Variants in MAST4 observed in about 807,000 individuals in gnomAD.
The protein encoded by MAST4 is microtubule-associated serine/threonine-protein kinase 4.
Under a neutral mutation model 162.7 loss-of-function variants are expected in MAST4, and 89 were observed. The ratio of observed to expected loss-of-function variants is 0.55; its 90% CI spans 0.46 to 0.65. MAST4 has a LOEUF of 0.65. MAST4 is among the 30% of genes least tolerant of loss of function. The pLI, the probability that MAST4 is intolerant of heterozygous loss-of-function variation, is 0.00. For synonymous variants in MAST4, 1,479 were observed against 1,361.1 expected, an observed-to-expected ratio of 1.09 and a Z score of -1.91; for missense variants, 3,153 against 3,374.0, an observed-to-expected ratio of 0.93 and a Z score of 1.62.
intron 1 of MAST4, among the ~76,000 whole-genome samples, chr5:66,688,360 G>T (rs575180679): frequency 8.5e-5 from 13 of 152,298 alleles, no homozygotes; most frequent in Middle Eastern, 3.4e-3. Context: ...AGTGCTGTCT[G>T]CATCTGATTC....
Position 67,019,162 on chromosome 5 carries a change from C to A in MAST4, c.675-35242C>A, listed in dbSNP as rs529117682. On this transcript the variant is annotated intron_variant, in intron 4 of 28. Transcript: ENST00000403625. ...AAATTTTTAAAAAACCTATAATATA[C>A]AAGAAGACTGGGGCGGGTTGATGGT... Among the ~76,000 whole-genome samples, 1,435 of 152,228 alleles carry A rather than the reference C, an allele frequency of 9.4e-3. 17 individuals carry two copies. Among genetic ancestry groups the A allele is most frequent in the African/African-American group, 0.032 (1,335 of 41,518 alleles).
intron 6 of MAST4, among the ~76,000 whole-genome samples, chr5:67,091,132 TA>T (rs543228466): frequency 8.6e-5 from 13 of 151,230 alleles, no homozygotes; most frequent in Admixed American, 2.6e-4. Flanking sequence ...ATAGGTAGGT[TA>T]AAAAAAAATA....
At chr5:67,024,970 A>G (rs1238185881) in intron 4 of MAST4, among the ~76,000 whole-genome samples, 1 of 152,172 alleles carries the variant, frequency 6.6e-6, no homozygotes, top group African/African-American at 2.4e-5. Context: ...TGTCCATTAA[A>G]AATAAGAATT....
At chr5:66,746,983 G>T (rs1481589147) in intron 1 of MAST4, among the ~76,000 whole-genome samples, 1 of 151,482 alleles carries the variant, frequency 6.6e-6, no homozygotes, top group African/African-American at 2.4e-5. Context: ...TCTTTAGACT[G>T]TTGACTTTAT....
At chr5:67,030,968 A>G (rs1336995926) in intron 4 of MAST4, among the ~76,000 whole-genome samples, 2 of 152,128 alleles carry the variant, frequency 1.3e-5, no homozygotes, top group East Asian at 1.9e-4. Context: ...GAATTTGACT[A>G]CTTTTGTTTA....
At chr5:66,632,195 C>A (rs1172640493) in intron 1 of MAST4, among the ~76,000 whole-genome samples, 1 of 152,162 alleles carries the variant, frequency 6.6e-6, no homozygotes, top group Non-Finnish European at 1.5e-5. Flanking sequence ...ATTGATAGTT[C>A]TACTGTTGTC....
rs148868310 is a variant in MAST4, at chr5:66,765,043, T to C, written c.517+5181T>C. 7.3e-3 allele frequency among the ~76,000 whole-genome samples: 1,111 copies of C among 152,280 alleles called. 10 individuals carry two copies. Among genetic ancestry groups the C allele is most frequent in the African/African-American group, 0.025 (1,049 of 41,542 alleles). ...TGTTTAGATATGCACATACTGATCA[T>C]TGTGTTGCAGTTGCCTACAGTATTA... On this transcript the variant is annotated intron_variant, in intron 2 of 28. Transcript: ENST00000403625.
chr5:67,114,458 G>A (rs2150923130), intron 12 of MAST4: 1 of 439,760 alleles, frequency 2.3e-6, no homozygotes, highest in Non-Finnish European at 4.0e-6. Flanking sequence ...CATCCTAGAA[G>A]CATGTCAGCC....
Position 67,167,540 on chromosome 5 carries a change from T to G in MAST4, c.*489T>G, listed in dbSNP as rs1561221469. The G allele has an allele frequency of 1.3e-5, 2 of 152,604 alleles. No homozygotes were observed. Among genetic ancestry groups the G allele is most frequent in the East Asian group, 3.9e-4 (2 of 5,184 alleles). The allele number at this position is 152,604 out of a possible 1,614,324, so 9.5% of individuals were successfully genotyped here. On this transcript the variant is annotated 3_prime_UTR_variant, in exon 29 of 29. Transcript: ENST00000403625. Reference sequence around the variant, plus strand: ...TATATACACATCCACCTACATGTTTTGGTCTGTGGTTTAAGAGACTATTTC... The same window carrying G: ...TATATACACATCCACCTACATGTTTGGGTCTGTGGTTTAAGAGACTATTTC...
chr5:67,133,440 G>A, intron 16 of MAST4, 74 bp from the exon 17 acceptor site: 1 of 1,514,758 alleles, frequency 6.6e-7, no homozygotes, highest in South Asian at 1.2e-5. Flanking sequence ...AAACTGAGGG[G>A]GGAAGGGAGG....
intron 1 of MAST4, among the ~76,000 whole-genome samples, chr5:66,681,121 T>G (rs3857274): frequency 6.6e-6 from 1 of 152,204 alleles, no homozygotes; most frequent in East Asian, 1.9e-4. Context: ...GTGCTAACTT[T>G]GCAAGTTTGT....
chr5:67,133,886 A>C (rs1294773151), intron 17 of MAST4, among the ~76,000 whole-genome samples: 1 of 152,174 alleles, frequency 6.6e-6, no homozygotes, highest in African/African-American at 2.4e-5. Context: ...CGAATGATCT[A>C]ATTGCACACA....
intron 1 of MAST4, among the ~76,000 whole-genome samples, chr5:66,755,056 G>A (rs1317206295): frequency 1.3e-5 from 2 of 152,174 alleles, no homozygotes; most frequent in African/African-American, 4.8e-5. Flanking sequence ...GGAGCATCTG[G>A]CTTCATTTTA....
At chr5:66,924,318 T>C (rs2150054742) in intron 4 of MAST4, among the ~76,000 whole-genome samples, 1 of 152,310 alleles carries the variant, frequency 6.6e-6, no homozygotes, top group South Asian at 2.1e-4. Flanking sequence ...TGTATCCCTA[T>C]TATTGTGGTC....
chr5:67,114,367 G>A, intron 12 of MAST4, 148 bp downstream of exon 12: 1 of 952,382 alleles, frequency 1.0e-6, no homozygotes, highest in East Asian at 2.9e-5. Context: ...CTATTTGAAG[G>A]AAATAGCCAT....
intron 4 of MAST4, among the ~76,000 whole-genome samples, chr5:66,996,171 C>A (rs548460885): frequency 2.6e-4 from 39 of 151,728 alleles, no homozygotes; most frequent in Non-Finnish European, 4.6e-4. Context: ...CCCGGCTACT[C>A]GGGAGGCTGA....
At chr5:66,696,641 C>G (rs1353225841) in intron 1 of MAST4, among the ~76,000 whole-genome samples, 1 of 152,186 alleles carries the variant, frequency 6.6e-6, no homozygotes, top group Non-Finnish European at 1.5e-5. Context: ...TGGTCATACT[C>G]TATGCTAGCA....
intron 1 of MAST4, among the ~76,000 whole-genome samples, chr5:66,657,729 G>T (rs767787839): frequency 6.6e-6 from 1 of 152,074 alleles, no homozygotes; most frequent in Non-Finnish European, 1.5e-5. Flanking sequence ...TTCCTACTTT[G>T]CTGCCTGTCA....
chr5:66,883,582 C>T (rs1761844915), intron 3 of MAST4, among the ~76,000 whole-genome samples: 2 of 151,874 alleles, frequency 1.3e-5, no homozygotes, highest in African/African-American at 4.8e-5. Flanking sequence ...GTGCGCACCA[C>T]CAGACCCGGC....
Sources: gnomAD v4.1 joint callset for allele counts (sites outside exome capture counted in the v4.1 genomes callset) on GRCh38, gnomAD v4.1.1 for gene constraint, MANE v1.5 for transcripts, NCBI Gene and HGNC (gene_info 2026-07-23, HGNC 2026-07-21) for gene names.